PIR: variants seen among roughly 807,000 people sequenced by gnomAD.
PIR encodes the protein pirin, also known as pirin (iron-binding nuclear protein).
Under a neutral mutation model 24.2 loss-of-function variants are expected in PIR, and 22 were observed. The ratio of observed to expected loss-of-function variants is 0.91; its 90% CI spans 0.65 to 1.30. The LOEUF (loss-of-function observed/expected upper bound fraction) is 1.30, where lower values mean the gene tolerates loss of function less well. PIR is among the 50% of genes most tolerant of loss of function. The pLI is 0.00. For missense variants in PIR, 220 were observed against 220.3 expected (o/e 1.00, Z 0.01); for synonymous variants, 80 against 79.6 (o/e 1.00, Z -0.03).
chrX:15,436,396 G>A (rs5935979), intron 5 of PIR, among the ~76,000 whole-genome samples: 21 of 112,145 alleles, frequency 1.9e-4, no homozygotes, highest in Non-Finnish European at 3.6e-4. Context: ...CATGTTAATT[G>A]TGAAACTGGA....
chrX:15,429,338 C>T (rs1925423817), intron 5 of PIR: 1 of 111,972 alleles, frequency 8.9e-6, no homozygotes, highest in Non-Finnish European at 1.9e-5. Flanking sequence ...AATAAAGCCA[C>T]AAAATATATT....
At chrX:15,446,021 G>C (rs1028680507) in intron 5 of PIR, among the ~76,000 whole-genome samples, 5 of 108,494 alleles carry the variant, frequency 4.6e-5, no homozygotes, top group Admixed American at 3.0e-4. Context: ...AGTAGAGACG[G>C]GGTTTCACCA....
At chrX:15,450,224 AAGAG>A (rs1214140684) in intron 5 of PIR, among the ~76,000 whole-genome samples, 3 of 111,197 alleles carry the variant, frequency 2.7e-5, no homozygotes, top group Non-Finnish European at 5.7e-5. Context: ...AATAAATTAA[AAGAG>A]AGGTCTTTGG....
chrX:15,430,216 GT>G (rs958974006), intron 5 of PIR, among the ~76,000 whole-genome samples: 2 of 107,820 alleles, frequency 1.9e-5, no homozygotes, highest in African/African-American at 3.4e-5. Flanking sequence ...TAGTGAATTT[GT>G]TTTTTTTTCC....
Position 15,459,146 on chromosome X carries a change from G to C in PIR, c.273+511C>G, listed in dbSNP as rs754373016. Among the ~76,000 whole-genome samples, 26 of 112,023 alleles carry C rather than the reference G, an allele frequency of 2.3e-4. No homozygotes were observed. The South Asian group carries it at 9.3e-3, about 40-fold the overall frequency. ...ACAAGACTAGGATGATGGAGGGCTC[G>C]AGGTCATTGTCTTAAGTGATAACAC... On this transcript the variant is annotated intron_variant, in intron 4 of 9. Coordinates refer to ENST00000380420, the MANE Select transcript of PIR (RefSeq NM_001018109.3).
At chrX:15,436,884 G>C (rs907075518) in intron 5 of PIR, among the ~76,000 whole-genome samples, 1 of 111,917 alleles carries the variant, frequency 8.9e-6, no homozygotes, top group East Asian at 2.8e-4. Flanking sequence ...TTATGGTCTA[G>C]GGCTTCTTCT....
Position 15,455,877 on chromosome X carries a change from C to T in PIR, c.451G>A (p.Val151Ile), listed in dbSNP as rs1426035240. Residue 151 changes from valine (V) to isoleucine (I), a missense_variant, in exon 5 of 10, where the codon GTC (valine) becomes ATC (isoleucine). By Grantham distance (29) the Val-to-Ile change is conservative (BLOSUM62 3). Transcript: ENST00000380420. Reference protein sequence around the residue: ...KPSKDGVTVAVISGEALGIKS... With the variant: ...KPSKDGVTVAIISGEALGIKS... ...ATTCCCAGGGCTTCTCCAGAAATGA[C>T]AGCAACTGTCACACCATCCTTACTG... is the stretch of plus-strand genomic sequence containing the variant. 8.3e-7 allele frequency: 1 copy of T among 1,210,421 alleles called. No individual in the cohort carries two copies. The highest frequency in any genetic ancestry group is 1.8e-5 in the South Asian group (1 of 56,974).
chrX:15,466,811 C>G (rs1921623149), intron 3 of PIR, among the ~76,000 whole-genome samples: 2 of 111,843 alleles, frequency 1.8e-5, no homozygotes, highest in Admixed American at 9.5e-5. Context: ...CCTCGCTTCA[C>G]TCAGGCCTCT....
chrX:15,418,754 G>A (rs1925011145), intron 6 of PIR, among the ~76,000 whole-genome samples: 1 of 112,175 alleles, frequency 8.9e-6, no homozygotes, highest in Admixed American at 9.5e-5. Flanking sequence ...TCTGATTCAT[G>A]AGAAACGTTT....
At chrX:15,433,067 C>A (rs933148502) in intron 5 of PIR, among the ~76,000 whole-genome samples, 3 of 112,563 alleles carry the variant, frequency 2.7e-5, no homozygotes, top group Non-Finnish European at 3.8e-5. Context: ...CGTGCCTGGG[C>A]ACCATGCAAA....
intron 5 of PIR, among the ~76,000 whole-genome samples, chrX:15,447,901 C>G (rs1386062734): frequency 9.0e-6 from 1 of 111,721 alleles, no homozygotes; most frequent in South Asian, 3.7e-4. Flanking sequence ...TTATTATGCT[C>G]TTAGTCTAAA....
chrX:15,422,845 A>G (rs1925181185), intron 6 of PIR, among the ~76,000 whole-genome samples: 1 of 111,980 alleles, frequency 8.9e-6, no homozygotes, highest in South Asian at 3.8e-4. Flanking sequence ...GAACCATGAA[A>G]GACCCCAAAT....
intron 6 of PIR, among the ~76,000 whole-genome samples, chrX:15,423,018 C>T (rs181870147): frequency 2.7e-5 from 3 of 111,923 alleles, no homozygotes; most frequent in Middle Eastern, 4.6e-3. Context: ...TAAGAACATA[C>T]ACTGAGGAAT....
intron 6 of PIR, among the ~76,000 whole-genome samples, chrX:15,415,010 G>A (rs1000559934): frequency 9.0e-6 from 1 of 111,324 alleles, no homozygotes; most frequent in Non-Finnish European, 1.9e-5. Flanking sequence ...AAGAATAGTC[G>A]TTTTTCTAAC....
At chrX:15,388,317 C>T (rs979073282) in intron 9 of PIR, among the ~76,000 whole-genome samples, 3 of 111,844 alleles carry the variant, frequency 2.7e-5, no homozygotes, top group South Asian at 7.5e-4. Context: ...TGCTAACAAT[C>T]GCTTTCCATT....
At chrX:15,447,323 T>G (rs1926138542) in intron 5 of PIR, among the ~76,000 whole-genome samples, 1 of 110,534 alleles carries the variant, frequency 9.0e-6, no homozygotes, top group South Asian at 3.8e-4. Flanking sequence ...GTTTTTTTTT[T>G]GTGAGATGGA....
intron 3 of PIR, chrX:15,478,688 G>A (rs1254174964): frequency 1.8e-5 from 2 of 111,376 alleles, no homozygotes; most frequent in Non-Finnish European, 3.8e-5. Flanking sequence ...ACACTGTGGT[G>A]GTGCCCTTTC....
intron 3 of PIR, among the ~76,000 whole-genome samples, chrX:15,471,480 G>C (rs890767345): frequency 9.0e-6 from 1 of 111,714 alleles, no homozygotes; most frequent in African/African-American, 3.3e-5. Flanking sequence ...CTTGGGCTTC[G>C]AAGCTTGGGC....
chrX:15,409,416 G>A (rs1455971021), intron 6 of PIR, among the ~76,000 whole-genome samples: 4 of 111,145 alleles, frequency 3.6e-5, no homozygotes, highest in East Asian at 2.8e-4. Flanking sequence ...TTAGTCTTCC[G>A]AGCTTTGTCT....
Sources: gnomAD v4.1 joint callset for allele counts (sites outside exome capture counted in the v4.1 genomes callset) on GRCh38, gnomAD v4.1.1 for gene constraint, MANE v1.5 for transcripts, NCBI Gene and HGNC (gene_info 2026-07-23, HGNC 2026-07-21) for gene names.